Variants in HSPA14 observed in about 807,000 individuals in gnomAD.
HSPA14 encodes the protein heat shock protein family A (Hsp70) member 14.
In HSPA14, 37 loss-of-function variants were observed where a neutral mutation model predicts 65.5. The observed-to-expected ratio is 0.56, with a 90% CI of 0.43 to 0.74. The LOEUF is 0.74. Among genes scored for constraint, HSPA14 ranks in the 30% least tolerant of loss-of-function variants. The pLI is 0.00. For synonymous variants in HSPA14, 203 were observed against 214.2 expected, an observed-to-expected ratio of 0.95 and a Z score of 0.46; for missense variants, 564 against 607.6, an observed-to-expected ratio of 0.93 and a Z score of 0.75.
chr10:14,866,601 C>T (rs565676530), intron 10 of HSPA14, among the ~76,000 whole-genome samples: 1 of 152,098 alleles, frequency 6.6e-6, no homozygotes, highest in African/African-American at 2.4e-5. Context: ...TAAATCAGCT[C>T]TTTTTCCTCA....
chr10:14,842,524 T>G lies in HSPA14; in HGVS notation c.221+2367T>G. 6.5e-7 allele frequency: 1 copy of G among 1,536,164 alleles called. No homozygotes were observed. Among genetic ancestry groups the G allele is most frequent in the East Asian group, 2.4e-5 (1 of 40,920 alleles). On this transcript the variant is annotated intron_variant, in intron 3 of 13. Transcript: ENST00000378372. The surrounding 1 kb of genome is among the most constrained non-coding windows in gnomAD (Gnocchi z 5.2). ...TATATTTAAAGGCCTATGTTGCCCA[T>G]GCCACAAGTATGGGTGAGCCACCAC...
chr10:14,852,541 A>G lies in HSPA14; in HGVS notation c.734+10A>G, dbSNP rs1376775095. The G allele has an allele frequency of 6.3e-7, 1 of 1,599,182 alleles. No homozygotes were observed. The highest frequency in any genetic ancestry group is 2.3e-5 in the East Asian group (1 of 44,434). The stretch of plus-strand genomic sequence containing the variant: ...CTTCTGAGTTCCAAAGGTGAGTGTT[A>G]ATGGCCTGAATAATACCTTCTGATT... On this transcript the variant is annotated intron_variant, in intron 8 of 13. Transcript: ENST00000378372.
At chr10:14,838,557 A>C in intron 1 of HSPA14, 98 bp downstream of exon 1, 1 of 1,239,576 alleles carries the variant, frequency 8.1e-7, no homozygotes, top group Non-Finnish European at 1.1e-6. Context: ...TCGCCGGCCT[A>C]GGGATGTCGT....
chr10:14,856,431 CTCA>C (rs1415557479), intron 10 of HSPA14, among the ~76,000 whole-genome samples: 1 of 152,184 alleles, frequency 6.6e-6, no homozygotes, highest in African/African-American at 2.4e-5. Flanking sequence ...CCTGTGTCTC[CTCA>C]TAACTAGTAT....
At chr10:14,846,020 G>A (rs1834046403) in intron 3 of HSPA14, 1 of 937,676 alleles carries the variant, frequency 1.1e-6, no homozygotes, top group African/African-American at 1.8e-5. Context: ...AGCAGCATAT[G>A]TATATTTGAA....
rs1832817057 is a variant in HSPA14 at position 14,867,440 on chromosome 10, T to C, written c.1206+145T>C. ...TATACTGACAGGTCTTAAATTTAGA[T>C]TTATAATCCTACTTTTAAGGTATGT... is the stretch of plus-strand genomic sequence containing the variant. On this transcript the variant is annotated intron_variant, in intron 11 of 13. Coordinates refer to ENST00000378372, the MANE Select transcript of HSPA14 (RefSeq NM_016299.4). 7 of 622,752 alleles carry C rather than the reference T, an allele frequency of 1.1e-5. No homozygotes were observed. In the South Asian group the frequency reaches 1.4e-4, roughly 12 times the overall value. The allele number at this position is 622,752 out of a possible 1,614,324, so 38.6% of individuals were successfully genotyped here.
intron 10 of HSPA14, among the ~76,000 whole-genome samples, chr10:14,858,455 A>G (rs1832725933): frequency 6.6e-6 from 1 of 152,246 alleles, no homozygotes; most frequent in African/African-American, 2.4e-5. Context: ...TACAGTAAGA[A>G]AATACCCTCA....
At chr10:14,866,935 G>T in intron 10 of HSPA14, 148 bp from the exon 11 acceptor site, 1 of 550,230 alleles carries the variant, frequency 1.8e-6, no homozygotes, top group Non-Finnish European at 3.3e-6. Flanking sequence ...GTATTTATAG[G>T]TTAAGTATAA....
intron 11 of HSPA14, 36 bp downstream of exon 11, chr10:14,867,331 T>G: frequency 1.4e-6 from 2 of 1,403,508 alleles, no homozygotes. Flanking sequence ...TAAGGTATGT[T>G]TAGCTTTTCT....
chr10:14,854,192 G>T lies in HSPA14; in HGVS notation c.802G>T (p.Ala268Ser). ...GAAATTAACGAACAGTGCTGAAGTA[G>T]CGAAACATTCTTTGTCAACCTTGGG... ...MMKLTNSAEVAKHSLSTLGSA... is the reference protein window; with the variant it reads ...MMKLTNSAEVSKHSLSTLGSA... Residue 268 changes from alanine (A) to serine (S), a missense_variant, in exon 9 of 14, where the codon GCG becomes TCG. Physicochemically the swap from Ala to Ser is moderately conservative, Grantham distance 99 (BLOSUM62 1). Coordinates refer to ENST00000378372, the MANE Select transcript of HSPA14 (RefSeq NM_016299.4). 6.2e-7 allele frequency: 1 copy of T among 1,613,786 alleles called. No individual in the cohort carries two copies. Among genetic ancestry groups the T allele is most frequent in the Non-Finnish European group, 8.5e-7 (1 of 1,179,834 alleles).
intron 1 of HSPA14, among the ~76,000 whole-genome samples, 158 bp from the exon 2 acceptor site, chr10:14,839,747 A>G (rs113314651): frequency 2.6e-5 from 4 of 152,352 alleles, no homozygotes; most frequent in African/African-American, 4.8e-5. Context: ...TAGGCTTTCT[A>G]TGAAAACGAG....
At chr10:14,861,562 C>T (rs2131645267) in intron 10 of HSPA14, among the ~76,000 whole-genome samples, 1 of 152,290 alleles carries the variant, frequency 6.6e-6, no homozygotes, top group East Asian at 1.9e-4. Flanking sequence ...CCACCCATCT[C>T]AGCCTCCCAA....
intron 10 of HSPA14, among the ~76,000 whole-genome samples, chr10:14,866,585 G>T (rs559653867): frequency 3.0e-4 from 46 of 152,258 alleles, no homozygotes; most frequent in African/African-American, 1.0e-3. Flanking sequence ...TTAAAATGCA[G>T]TTTTATAAAT....
intron 3 of HSPA14, chr10:14,843,843 G>T (rs1588807401): frequency 6.5e-7 from 1 of 1,536,386 alleles, no homozygotes; most frequent in Non-Finnish European, 8.7e-7. Flanking sequence ...GTGCTTTTCA[G>T]CTAGGCCTTG....
Position 14,867,127 on chromosome 10 carries a change from A to T in HSPA14, c.1038A>T (p.Gln346His). ...CTTCTCGAATCCCAAAGCTACAGCA[A>T]CTGATTAAAGATCTTTTCCCAGCTG... is the stretch of plus-strand genomic sequence containing the variant. ...GGSSRIPKLQQLIKDLFPAVE... is the reference protein window; with the variant it reads ...GGSSRIPKLQHLIKDLFPAVE... The change falls in exon 11 of 14, where the codon CAA becomes CAT. Residue 346 changes from glutamine to histidine, a missense_variant. Coordinates refer to ENST00000378372, the MANE Select transcript of HSPA14 (RefSeq NM_016299.4). 6.2e-7 allele frequency: 1 copy of T among 1,613,850 alleles called. No homozygotes were observed. Among genetic ancestry groups the T allele is most frequent in the Non-Finnish European group, 8.5e-7 (1 of 1,179,810 alleles).
At chr10:14,859,146 TG>T (rs1465300337) in intron 10 of HSPA14, among the ~76,000 whole-genome samples, 1 of 152,140 alleles carries the variant, frequency 6.6e-6, no homozygotes, top group Non-Finnish European at 1.5e-5. Flanking sequence ...CCCTGGTTCG[TG>T]CTGTATCTTT....
intron 7 of HSPA14, among the ~76,000 whole-genome samples, chr10:14,851,689 C>A (rs1181294473): frequency 6.6e-6 from 1 of 152,148 alleles, no homozygotes; most frequent in Non-Finnish European, 1.5e-5. Context: ...TTTGACAGGG[C>A]AGGAGATGGA....
At position 14,855,925 on chromosome 10, in the gene HSPA14, A is replaced by G. The variant is rs533186368; in HGVS notation, c.975A>G (p.Thr325=). 2.5e-6 allele frequency: 4 copies of G among 1,571,978 alleles called. No individual in the cohort carries two copies. In the South Asian group the frequency reaches 4.4e-5, roughly 17 times the overall value. ...GACTCTTAGATCAAAATGGATTTAC[A>G]GCAGATGATATCAACAAGGTAATGC... ...IRGLLDQNGF[T]ADDINKVVLC... is the part of the protein sequence containing the mutation. Residue 325 remains threonine (T), a synonymous_variant, in exon 10 of 14, where the codon ACA becomes ACG. Coordinates refer to ENST00000378372, the MANE Select transcript of HSPA14 (RefSeq NM_016299.4).
intron 12 of HSPA14, among the ~76,000 whole-genome samples, chr10:14,870,383 T>C (rs1832844050): frequency 6.6e-6 from 1 of 152,188 alleles, no homozygotes; most frequent in Non-Finnish European, 1.5e-5. Context: ...TTAGTTATCT[T>C]ATATGCCCTC....
Sources: gnomAD v4.1 joint callset for allele counts (sites outside exome capture counted in the v4.1 genomes callset) on GRCh38, gnomAD v4.1.1 for gene constraint, Gnocchi (gnomAD v3.1) non-coding constraint, MANE v1.5 for transcripts, NCBI Gene and HGNC (gene_info 2026-07-23, HGNC 2026-07-21) for gene names.